INO80: variants seen among roughly 807,000 people sequenced by gnomAD.
The protein encoded by INO80 is chromatin-remodeling ATPase INO80.
In INO80, 20 loss-of-function variants were observed where a neutral mutation model predicts 203.4. The observed-to-expected ratio is 0.10, with a 90% CI of 0.07 to 0.14. INO80 has a LOEUF of 0.14. Among genes scored for constraint, INO80 ranks in the 10% least tolerant of loss-of-function variants. The pLI is 1.00. For missense variants in INO80, 1,419 were observed against 1,914.4 expected, an observed-to-expected ratio of 0.74 and a Z score of 4.83; for synonymous variants, 726 against 685.2, an observed-to-expected ratio of 1.06 and a Z score of -0.93.
chr15:41,020,328 G>A (rs913960870), intron 26 of INO80, among the ~76,000 whole-genome samples: 7 of 152,152 alleles, frequency 4.6e-5, no homozygotes, highest in Admixed American at 2.6e-4. Context: ...AGCAAAGAAC[G>A]TGAGCCTATG....
chr15:41,014,522 A>G (rs1030331422), intron 27 of INO80, among the ~76,000 whole-genome samples: 1 of 152,222 alleles, frequency 6.6e-6, no homozygotes, highest in African/African-American at 2.4e-5. Flanking sequence ...CATAGTTAAT[A>G]TATACATCAA....
At chr15:41,050,161 CAGCTT>C in intron 19 of INO80, 59 bp from the exon 20 acceptor site, 1 of 1,255,124 alleles carries the variant, frequency 8.0e-7, no homozygotes, top group Admixed American at 1.9e-5. Context: ...AATTCAGCAT[CAGCTT>C]AAAGTTGAAA....
intron 13 of INO80, among the ~76,000 whole-genome samples, 171 bp downstream of exon 13, chr15:41,070,296 A>G (rs1261275941): frequency 6.6e-6 from 1 of 152,222 alleles, no homozygotes; most frequent in Non-Finnish European, 1.5e-5. Context: ...GCCCTCTTAA[A>G]AACCAAAAAG....
chr15:41,081,687 C>G (rs774124737), intron 7 of INO80, among the ~76,000 whole-genome samples: 22 of 152,122 alleles, frequency 1.4e-4, no homozygotes, highest in Non-Finnish European at 2.6e-4. Context: ...GTACAGAAAC[C>G]TGACTCCCCA....
chr15:41,080,040 A>T (rs1437282798), intron 8 of INO80, 136 bp from the exon 9 acceptor site: 1 of 722,458 alleles, frequency 1.4e-6, no homozygotes, highest in Admixed American at 2.3e-5. Flanking sequence ...CTGCAACTTG[A>T]TTAATGTCCT....
At chr15:41,048,375 G>T in intron 21 of INO80, 99 bp from the exon 22 acceptor site, 1 of 864,078 alleles carries the variant, frequency 1.2e-6, no homozygotes, top group East Asian at 2.5e-5. Flanking sequence ...TTTTAGTTTT[G>T]AAACTGTTTC....
chr15:41,043,421 T>C (rs1250394402), intron 24 of INO80, among the ~76,000 whole-genome samples: 1 of 152,188 alleles, frequency 6.6e-6, no homozygotes, highest in African/African-American at 2.4e-5. Flanking sequence ...CTGCCACCAC[T>C]GACAGCATTA....
intron 27 of INO80, among the ~76,000 whole-genome samples, chr15:41,006,912 T>C (rs1028324910): frequency 2.0e-5 from 3 of 152,202 alleles, no homozygotes; most frequent in Admixed American, 6.5e-5. Flanking sequence ...CTTAGTGGTA[T>C]TGCTATATCG....
rs549022330 is a variant in INO80 at position 40,983,941 on chromosome 15, G to C, written c.4078-20C>G. 1.9e-6 allele frequency: 3 copies of C among 1,611,880 alleles called. No homozygotes were observed. The East Asian group carries it at 6.7e-5, about 36-fold the overall frequency. On this transcript the variant is annotated intron_variant, in intron 33 of 35. Coordinates refer to ENST00000648947, the MANE Select transcript of INO80 (RefSeq NM_017553.3). ...GGAGATCTAGAAGAGGAAGGGTTAA[G>C]ATCATTACGACCCCCTGTGCTCACC...
chr15:41,044,759 T>C, intron 24 of INO80, 145 bp downstream of exon 24: 1 of 615,004 alleles, frequency 1.6e-6, no homozygotes, highest in East Asian at 2.9e-5. Context: ...TAAATTAAGT[T>C]AGAACTCAAT....
At chr15:41,060,043 T>C in intron 14 of INO80, 117 bp from the exon 15 acceptor site, 1 of 657,252 alleles carries the variant, frequency 1.5e-6, no homozygotes. Flanking sequence ...TAGGAATTCC[T>C]CTCCTGCCAA....
chr15:41,024,899 T>C (rs2044353152), intron 25 of INO80, among the ~76,000 whole-genome samples: 1 of 152,238 alleles, frequency 6.6e-6, no homozygotes. Context: ...CATGAAATTT[T>C]GCCTTATTCA....
intron 26 of INO80, chr15:41,018,026 C>T (rs1430452856): frequency 6.6e-6 from 1 of 152,128 alleles, no homozygotes; most frequent in Non-Finnish European, 1.5e-5. Flanking sequence ...TAATTGAATT[C>T]CCTAAGGTCT....
Position 41,063,096 on chromosome 15 carries a change from G to C in INO80, c.1783-3170C>G, listed in dbSNP as rs539430525. 2.0e-5 allele frequency among the ~76,000 whole-genome samples: 3 copies of C among 152,236 alleles called. No homozygotes were observed. The South Asian group carries it at 6.2e-4, about 32-fold the overall frequency. ...TCATGCCTGTAATCCCAGCACTTTGGGAAGCTAAGGTGGGCAGATTACCTG... is the reference window on the plus strand; with the variant it reads ...TCATGCCTGTAATCCCAGCACTTTGCGAAGCTAAGGTGGGCAGATTACCTG... On this transcript the variant is annotated intron_variant, in intron 14 of 35. Coordinates refer to ENST00000648947, the MANE Select transcript of INO80 (RefSeq NM_017553.3).
intron 9 of INO80, 30 bp downstream of exon 9, chr15:41,079,671 G>C: frequency 6.3e-7 from 1 of 1,597,314 alleles, no homozygotes; most frequent in Admixed American, 1.7e-5. Flanking sequence ...TAGTAATTAG[G>C]GTTTTCAAAA....
chr15:41,009,583 A>G (rs974038941), intron 27 of INO80, among the ~76,000 whole-genome samples: 2 of 151,742 alleles, frequency 1.3e-5, no homozygotes, highest in South Asian at 2.1e-4. Flanking sequence ...TATGGCTGAC[A>G]TATGCGTTTT....
intron 6 of INO80, among the ~76,000 whole-genome samples, chr15:41,086,853 C>A (rs545911061): frequency 2.0e-5 from 3 of 152,250 alleles, no homozygotes; most frequent in Non-Finnish European, 4.4e-5. Context: ...TCACCTCGGA[C>A]AGCAACAATG....
At chr15:41,016,365 C>T (rs2044210699) in intron 26 of INO80, 150 bp from the exon 27 acceptor site, 2 of 734,498 alleles carry the variant, frequency 2.7e-6, no homozygotes, top group Admixed American at 6.1e-5. Context: ...GAATGCAACG[C>T]CCTGAAAATA....
At chr15:41,046,525 C>A (rs186910992) in intron 23 of INO80, among the ~76,000 whole-genome samples, 1 of 151,476 alleles carries the variant, frequency 6.6e-6, no homozygotes, top group Non-Finnish European at 1.5e-5. Context: ...TGCGCCTGGC[C>A]TATTTAAGAT....
Sources: allele counts gnomAD v4.1 joint callset (sites outside exome capture counted in the v4.1 genomes callset), GRCh38; gene constraint gnomAD v4.1.1; transcripts MANE v1.5; gene names NCBI Gene and HGNC (gene_info 2026-07-23, HGNC 2026-07-21).